RIOK3: variants seen among roughly 807,000 people sequenced by gnomAD.
The protein encoded by RIOK3 is RIO kinase 3, also known as serine/threonine-protein kinase RIO3.
In RIOK3, 40 loss-of-function variants were observed where a neutral mutation model predicts 63.5. The ratio of observed to expected loss-of-function variants is 0.63; its 90% CI spans 0.49 to 0.82. The LOEUF (loss-of-function observed/expected upper bound fraction) is 0.82. Ranked by LOEUF, RIOK3 falls within the 40% of genes least tolerant of loss-of-function variation. The pLI is 0.00. For synonymous variants in RIOK3, 193 were observed against 205.0 expected, an observed-to-expected ratio of 0.94 and a Z score of 0.50; for missense variants, 557 against 637.0, an observed-to-expected ratio of 0.87 and a Z score of 1.35.
intron 1 of RIOK3, among the ~76,000 whole-genome samples, chr18:23,456,640 A>AC (rs1203422217): frequency 4.6e-5 from 7 of 152,252 alleles, no homozygotes; most frequent in African/African-American, 1.7e-4. Flanking sequence ...CAGTCTTCCC[A>AC]CCATGGCCTC....
In RIOK3 at chr18:23,473,426, T is replaced by A. The variant is rs1205922983; in HGVS notation, c.816-3T>A. On this transcript the variant is annotated splice_region_variant and splice_polypyrimidine_tract_variant and intron_variant, in intron 7 of 12. Coordinates refer to ENST00000339486, the MANE Select transcript of RIOK3 (RefSeq NM_003831.5). Reference sequence around the variant, plus strand: ...CTGACTTGATTTTTTTTCTTCCACTTAGCATGGAGGATGAAAAGGAAGATA... The same window carrying A: ...CTGACTTGATTTTTTTTCTTCCACTAAGCATGGAGGATGAAAAGGAAGATA... 2 of 1,597,206 alleles carry A rather than the reference T, an allele frequency of 1.3e-6. No individual in the cohort carries two copies. The highest frequency in any genetic ancestry group is 1.7e-6 in the Non-Finnish European group (2 of 1,170,234).
chr18:23,466,155 G>T lies in RIOK3; in HGVS notation c.566G>T (p.Gly189Val), dbSNP rs1333435087. ...MENFAPEFQV[G>V]DGIGMDLKLS... Reference sequence around the variant, plus strand: ...CAGTTTGCACCTGAGTTTCAGGTAGGAGATGGAATTGGAATGGATTTAAAA... The same window carrying T: ...CAGTTTGCACCTGAGTTTCAGGTAGTAGATGGAATTGGAATGGATTTAAAA... The change falls in exon 6 of 13, where the codon GGA (glycine) becomes GTA (valine). Residue 189 changes from glycine (G) to valine (V), a missense_variant. Gly to Val is a moderately radical substitution (Grantham distance 109). Transcript: ENST00000339486. 7 of 1,599,752 alleles carry T rather than the reference G, an allele frequency of 4.4e-6. No individual in the cohort carries two copies. Among genetic ancestry groups the T allele is most frequent in the Non-Finnish European group, 6.0e-6 (7 of 1,174,990 alleles).
chr18:23,460,969 A>G (rs1378730631), intron 1 of RIOK3, among the ~76,000 whole-genome samples: 1 of 152,228 alleles, frequency 6.6e-6, no homozygotes, highest in African/African-American at 2.4e-5. Context: ...GTTCTGTGAT[A>G]GTGTATTGTA....
At chr18:23,470,511 A>AAT (rs1341407208) in intron 7 of RIOK3, among the ~76,000 whole-genome samples, 45 of 152,356 alleles carry the variant, frequency 3.0e-4, no homozygotes, top group African/African-American at 9.6e-4. Flanking sequence ...TATCTTTTAA[A>AAT]AGAGACTAGA....
At chr18:23,455,808 G>A (rs34803643) in intron 1 of RIOK3, among the ~76,000 whole-genome samples, 3,412 of 148,840 alleles carry the variant, frequency 0.023, 65 homozygotes, top group Non-Finnish European at 0.036. Context: ...TAATTTTTGG[G>A]TTTTTTTTGA....
At chr18:23,463,929 G>C in intron 2 of RIOK3, 38 bp from the exon 3 acceptor site, 1 of 1,549,498 alleles carries the variant, frequency 6.5e-7, no homozygotes, top group Non-Finnish European at 8.7e-7. Context: ...GTTTACTTAA[G>C]CACATTACAT....
At chr18:23,463,850 A>G in intron 2 of RIOK3, 117 bp from the exon 3 acceptor site, 1 of 842,148 alleles carries the variant, frequency 1.2e-6, no homozygotes, top group Non-Finnish European at 1.9e-6. Context: ...ATGGTTTGAT[A>G]GAGTTCTTTC....
At chr18:23,475,823 GAC>G (rs1240704735) in intron 9 of RIOK3, among the ~76,000 whole-genome samples, 4 of 152,016 alleles carry the variant, frequency 2.6e-5, no homozygotes, top group East Asian at 1.9e-4. Context: ...TAGGATTAGT[GAC>G]ACAGTGCATG....
At chr18:23,474,828 C>T (rs962555141) in intron 8 of RIOK3, 120 bp from the exon 9 acceptor site, 1 of 698,600 alleles carries the variant, frequency 1.4e-6, no homozygotes, top group Middle Eastern at 4.2e-4. Flanking sequence ...TGTATTCCCA[C>T]ATCACCAGGG....
chr18:23,476,938 C>A, intron 9 of RIOK3, 68 bp from the exon 10 acceptor site: 1 of 1,333,746 alleles, frequency 7.5e-7, no homozygotes, highest in Non-Finnish European at 1.1e-6. Context: ...AAAAAACTTT[C>A]AGGGGTGTCA....
At position 23,469,319 on chromosome 18, in the gene RIOK3, C is replaced by CTG. The variant is rs1406843329; in HGVS notation, c.815+1794_815+1795insGT. On this transcript the variant is annotated intron_variant, in intron 7 of 12. Transcript: ENST00000339486. ...TTTCTTTCTTCCTCTCTCTCTCTCT[C>CTG]TCTCTCTCTCTCTCTCTCCCCCTCT... is the stretch of plus-strand genomic sequence containing the variant. 5.9e-4 allele frequency among the ~76,000 whole-genome samples: 18 copies of CTG among 30,338 alleles called. 1 individual carries two copies. Among genetic ancestry groups the CTG allele is most frequent in the Non-Finnish European group, 1.1e-3 (18 of 15,712 alleles). 19.9% of individuals were successfully genotyped at this position (30,338 alleles called of 152,430 possible). A position where few individuals can be genotyped will look rare whatever the true frequency, so the allele number is the denominator to read the frequency against.
In RIOK3 at chr18:23,464,535, T is replaced by C; in HGVS notation, c.450T>C (p.Thr150=). 6.2e-7 allele frequency: 1 copy of C among 1,601,784 alleles called. No homozygotes were observed. Among genetic ancestry groups the C allele is most frequent in the Middle Eastern group, 1.7e-4 (1 of 6,024 alleles). ...TGCCTTTAGCAAAACCGGTTCCCACTCCTAAAAAGGGCTTTATTGGAAAAG... is the reference window on the plus strand; with the variant it reads ...TGCCTTTAGCAAAACCGGTTCCCACCCCTAAAAAGGGCTTTATTGGAAAAG... The part of the protein sequence containing the change: ...DPYRPAKPVP[T]PKKGFIGKGK... Residue 150 remains threonine, a synonymous_variant, in exon 5 of 13, where the codon ACT becomes ACC. Coordinates refer to ENST00000339486, the MANE Select transcript of RIOK3 (RefSeq NM_003831.5).
intron 1 of RIOK3, among the ~76,000 whole-genome samples, chr18:23,462,112 T>TA (rs1368907497): frequency 7.9e-5 from 10 of 126,800 alleles, no homozygotes; most frequent in East Asian, 5.7e-4. Flanking sequence ...GAAATAAAAT[T>TA]TAAAAAAAAA....
At position 23,479,400 on chromosome 18, in the gene RIOK3, TAATG is replaced by T. The variant is rs1189504225; in HGVS notation, c.1431_1434del (p.Asn477LysfsTer5). The T allele has an allele frequency of 8.7e-6, 14 of 1,613,302 alleles. No homozygotes were observed. The highest frequency in any genetic ancestry group is 1.2e-5 in the Non-Finnish European group (14 of 1,179,302). On this transcript the variant is annotated frameshift_variant, in exon 12 of 13. Coordinates refer to ENST00000339486, the MANE Select transcript of RIOK3 (RefSeq NM_003831.5). LOFTEE classifies it high-confidence loss of function. ...TTTCAGGCTTAAACATCACAGCAGATAATGAAGCTGATTTTTTAGCTGAGGTATG... is the reference window on the plus strand; with the variant it reads ...TTTCAGGCTTAAACATCACAGCAGATAAGCTGATTTTTTAGCTGAGGTATG...
At chr18:23,456,797 CT>C (rs1283722291) in intron 1 of RIOK3, among the ~76,000 whole-genome samples, 1 of 152,156 alleles carries the variant, frequency 6.6e-6, no homozygotes, top group Non-Finnish European at 1.5e-5. Flanking sequence ...CTTCTATCTT[CT>C]TTTTTTCATT....
intron 7 of RIOK3, among the ~76,000 whole-genome samples, chr18:23,468,759 T>G (rs1336850985): frequency 6.6e-6 from 1 of 152,268 alleles, no homozygotes; most frequent in Non-Finnish European, 1.5e-5. Context: ...GTTAGTTTTC[T>G]GTGGTACATA....
chr18:23,457,382 A>T (rs2057347737), intron 1 of RIOK3, among the ~76,000 whole-genome samples: 1 of 152,244 alleles, frequency 6.6e-6, no homozygotes, highest in Admixed American at 6.5e-5. Flanking sequence ...TGAGAAACTC[A>T]ACAGCCTAAG....
chr18:23,473,748 C>T, intron 8 of RIOK3, 122 bp downstream of exon 8: 5 of 679,228 alleles, frequency 7.4e-6, no homozygotes, highest in Non-Finnish European at 9.5e-6. Context: ...TGTATAACCT[C>T]GATTCATACT....
At chr18:23,460,628 C>T (rs2145672773) in intron 1 of RIOK3, among the ~76,000 whole-genome samples, 1 of 152,256 alleles carries the variant, frequency 6.6e-6, no homozygotes, top group African/African-American at 2.4e-5. Flanking sequence ...AACTGTTAGT[C>T]ATTGCCAAAT....
Sources: allele counts gnomAD v4.1 joint callset (sites outside exome capture counted in the v4.1 genomes callset), GRCh38; gene constraint gnomAD v4.1.1; transcripts MANE v1.5; gene names NCBI Gene and HGNC (gene_info 2026-07-23, HGNC 2026-07-21).